The following SLC39A9 variants were observed in gnomAD, a reference collection of about 807,000 sequenced individuals.
The protein encoded by SLC39A9 is zinc transporter ZIP9.
In SLC39A9, 14 loss-of-function variants were observed where a neutral mutation model predicts 28.4. The ratio of observed to expected loss-of-function variants is 0.49; its 90% CI spans 0.33 to 0.77. The LOEUF is 0.77. SLC39A9 is among the 30% of genes least tolerant of loss of function. SLC39A9 has a pLI of 0.02. For missense variants in SLC39A9, 283 were observed against 381.1 expected, an observed-to-expected ratio of 0.74 and a Z score of 2.14; for synonymous variants, 119 against 149.6, an observed-to-expected ratio of 0.80 and a Z score of 1.49.
intron 1 of SLC39A9, among the ~76,000 whole-genome samples, chr14:69,412,973 T>C (rs1029096421): frequency 6.6e-6 from 1 of 152,220 alleles, no homozygotes; most frequent in African/African-American, 2.4e-5. Context: ...TCTTTGTTTC[T>C]GAATGTTTGA....
At chr14:69,402,763 G>A (rs1882707269) in intron 1 of SLC39A9, among the ~76,000 whole-genome samples, 1 of 152,134 alleles carries the variant, frequency 6.6e-6, no homozygotes, top group African/African-American at 2.4e-5. Flanking sequence ...TCAGTATACA[G>A]GAAAGAGAAA....
Position 69,398,855 on chromosome 14 carries a change from C to T in SLC39A9, c.-515C>T, listed in dbSNP as rs1566903265. On this transcript the variant is annotated 5_prime_UTR_variant, in exon 1 of 7. Transcript: ENST00000336643. ...GACCCATCGTTAGAGACCTGCAGGA[C>T]TCCTTTCCTCATCCCAGGCTCGGAG... 1 of 197,300 alleles carries T rather than the reference C, an allele frequency of 5.1e-6. No homozygotes were observed. The highest frequency in any genetic ancestry group is 1.0e-5 in the Non-Finnish European group (1 of 96,900). The allele number at this position is 197,300 out of a possible 1,614,324, so 12.2% of individuals were successfully genotyped here. A position where few individuals can be genotyped will look rare whatever the true frequency, so the allele number is the denominator to read the frequency against.
At chr14:69,430,628 C>CTT (rs71446389) in intron 2 of SLC39A9, among the ~76,000 whole-genome samples, 60,252 of 137,548 alleles carry the variant, frequency 0.44, 13,442 homozygotes, top group Middle Eastern at 0.57. Flanking sequence ...ATTTTTCTTT[C>CTT]TTTTTTTTTT....
rs1275843902 is a variant in SLC39A9, at chr14:69,460,358, C to T, written c.*1765C>T. The T allele has an allele frequency of 1.0e-6, 1 of 985,332 alleles. No individual in the cohort carries two copies. Among genetic ancestry groups the T allele is most frequent in the Admixed American group, 6.2e-5 (1 of 16,256 alleles). 61.0% of individuals were successfully genotyped at this position (985,332 alleles called of 1,614,324 possible). A position where few individuals can be genotyped will look rare whatever the true frequency, so the allele number is the denominator to read the frequency against. On this transcript the variant is annotated 3_prime_UTR_variant, in exon 7 of 7. Coordinates refer to ENST00000336643, the MANE Select transcript of SLC39A9 (RefSeq NM_018375.5). ...CAAATAGGATACAGTTGTATGTAGTCATTGGCAACAATTGCATACAATTTT... is the reference window on the plus strand; with the variant it reads ...CAAATAGGATACAGTTGTATGTAGTTATTGGCAACAATTGCATACAATTTT...
intron 2 of SLC39A9, among the ~76,000 whole-genome samples, chr14:69,430,645 T>C (rs1331054699): frequency 1.1e-4 from 17 of 148,784 alleles, no homozygotes; most frequent in Admixed American, 8.0e-4. Context: ...TTTTTTTTTC[T>C]TGAGACAAGG....
At chr14:69,432,643 GT>G (rs770138249) in intron 2 of SLC39A9, among the ~76,000 whole-genome samples, 2 of 152,080 alleles carry the variant, frequency 1.3e-5, no homozygotes, top group Non-Finnish European at 2.9e-5. Context: ...GTCCAGAGTG[GT>G]TTCCTAGGTT....
chr14:69,400,480 G>A (rs1393996203), intron 1 of SLC39A9, among the ~76,000 whole-genome samples: 1 of 152,170 alleles, frequency 6.6e-6, no homozygotes, highest in Non-Finnish European at 1.5e-5. Context: ...AAAGATTTAG[G>A]GGGGAAAAAC....
chr14:69,402,743 G>A (rs757971725), intron 1 of SLC39A9, among the ~76,000 whole-genome samples: 1 of 152,188 alleles, frequency 6.6e-6, no homozygotes, highest in Non-Finnish European at 1.5e-5. Flanking sequence ...TAATCAGGAT[G>A]TAAATTTTTT....
intron 2 of SLC39A9, among the ~76,000 whole-genome samples, chr14:69,430,383 A>G (rs1370314156): frequency 2.6e-5 from 4 of 152,162 alleles, no homozygotes; most frequent in Non-Finnish European, 5.9e-5. Flanking sequence ...ATTTTTTGGC[A>G]TATGGGTGGA....
chr14:69,401,033 A>T (rs1594894463), intron 1 of SLC39A9, among the ~76,000 whole-genome samples: 1 of 151,972 alleles, frequency 6.6e-6, no homozygotes, highest in East Asian at 1.9e-4. Flanking sequence ...GAGGAAACGG[A>T]GACTGGATAG....
intron 1 of SLC39A9, among the ~76,000 whole-genome samples, chr14:69,402,358 A>G (rs1177219147): frequency 1.3e-5 from 2 of 152,220 alleles, no homozygotes; most frequent in African/African-American, 4.8e-5. Flanking sequence ...GATTTACATG[A>G]AAAGATATGC....
At chr14:69,450,616 A>G (rs531182684) in intron 3 of SLC39A9, among the ~76,000 whole-genome samples, 1 of 152,238 alleles carries the variant, frequency 6.6e-6, no homozygotes, top group Admixed American at 6.5e-5. Flanking sequence ...TCTACAAAAA[A>G]GTACTTTAAA....
chr14:69,421,316 A>G (rs1399200671), intron 1 of SLC39A9, among the ~76,000 whole-genome samples: 1 of 152,172 alleles, frequency 6.6e-6, no homozygotes, highest in Non-Finnish European at 1.5e-5. Flanking sequence ...TTGCCTTGGT[A>G]TCACCAGCAG....
intron 1 of SLC39A9, among the ~76,000 whole-genome samples, chr14:69,419,880 C>T (rs1247426692): frequency 6.6e-6 from 1 of 152,070 alleles, no homozygotes; most frequent in Admixed American, 6.6e-5. Context: ...TTATTTTGAG[C>T]CTATGTGTGT....
intron 3 of SLC39A9, among the ~76,000 whole-genome samples, chr14:69,452,600 G>T (rs9630395): frequency 0.19 from 28,553 of 152,140 alleles, 2,824 homozygotes; most frequent in South Asian, 0.27. Flanking sequence ...AAAGTGCTGG[G>T]ATTACAGGTG....
chr14:69,412,832 C>G (rs1244732228), intron 1 of SLC39A9, among the ~76,000 whole-genome samples: 2 of 152,162 alleles, frequency 1.3e-5, no homozygotes, highest in Non-Finnish European at 2.9e-5. Context: ...TAAATAAATG[C>G]ACTTAATTTC....
chr14:69,449,734 C>A (rs1885513647), intron 3 of SLC39A9, among the ~76,000 whole-genome samples: 1 of 152,136 alleles, frequency 6.6e-6, no homozygotes, highest in African/African-American at 2.4e-5. Flanking sequence ...ATGGTCAGGA[C>A]AGTGTTGTGA....
At chr14:69,431,258 T>A (rs1235703608) in intron 2 of SLC39A9, among the ~76,000 whole-genome samples, 1 of 152,210 alleles carries the variant, frequency 6.6e-6, no homozygotes, top group Non-Finnish European at 1.5e-5. Context: ...ATGTTTTCAA[T>A]TTCTAGTATT....
Position 69,399,426 on chromosome 14 carries a change from C to T in SLC39A9, c.57C>T (p.Tyr19=). The T allele has an allele frequency of 3.1e-6, 5 of 1,614,074 alleles. No individual in the cohort carries two copies. The highest frequency in any genetic ancestry group is 4.2e-6 in the Non-Finnish European group (5 of 1,180,000). The change falls in exon 1 of 7, where the codon TAC becomes TAT. Residue 19 remains tyrosine, a synonymous_variant. Coordinates refer to ENST00000336643, the MANE Select transcript of SLC39A9 (RefSeq NM_018375.5). The part of the protein sequence containing the change: ...LLSLAMLVGC[Y]VAGIIPLAVN... ...CTCTGGCTATGTTGGTGGGATGTTACGTGGCCGGAATCATTCCCTTGGCTG... is the reference window on the plus strand; with the variant it reads ...CTCTGGCTATGTTGGTGGGATGTTATGTGGCCGGAATCATTCCCTTGGCTG...
Sources: gnomAD v4.1 joint callset for allele counts (sites outside exome capture counted in the v4.1 genomes callset) on GRCh38, gnomAD v4.1.1 for gene constraint, MANE v1.5 for transcripts, NCBI Gene and HGNC (gene_info 2026-07-23, HGNC 2026-07-21) for gene names.